Variants in COG3 observed in about 807,000 individuals in gnomAD.
COG3 encodes the protein conserved oligomeric Golgi complex subunit 3.
A neutral mutation model predicts 114.1 loss-of-function variants in COG3; 32 were observed. That is an observed-to-expected ratio of 0.28 (90% CI 0.21 to 0.38). The LOEUF (loss-of-function observed/expected upper bound fraction) is 0.38. Ranked by LOEUF, COG3 falls within the 10% of genes least tolerant of loss-of-function variation. The pLI is 1.00. For missense variants in COG3, 813 were observed against 973.2 expected (o/e 0.84, Z 2.19); for synonymous variants, 352 against 365.7 (o/e 0.96, Z 0.43).
chr13:45,528,470 C>T (rs1872885248), intron 20 of COG3, among the ~76,000 whole-genome samples: 1 of 152,108 alleles, frequency 6.6e-6, no homozygotes, highest in African/African-American at 2.4e-5. Flanking sequence ...TTACTACAAC[C>T]CTCCTCAATT....
At chr13:45,534,269 T>A (rs1286768085) in intron 22 of COG3, among the ~76,000 whole-genome samples, 1 of 152,216 alleles carries the variant, frequency 6.6e-6, no homozygotes, top group Non-Finnish European at 1.5e-5. Context: ...TCCTTGTCAG[T>A]GTTTGTATAT....
At chr13:45,511,194 C>T (rs558865326) in intron 15 of COG3, among the ~76,000 whole-genome samples, 4 of 151,486 alleles carry the variant, frequency 2.6e-5, no homozygotes, top group South Asian at 2.1e-4. Context: ...TGAATTTCAC[C>T]GCCTCCTTCA....
intron 7 of COG3, 32 bp from the exon 8 acceptor site, chr13:45,486,463 T>G: frequency 7.5e-7 from 1 of 1,335,190 alleles, no homozygotes; most frequent in Non-Finnish European, 1.1e-6. Flanking sequence ...GCTAATTATC[T>G]TCCTTCCTTA....
chr13:45,529,864 G>A lies in COG3; in HGVS notation c.2304G>A (p.Met768Ile). ...KTKLPVTLRS[M>I]SLYLSNKDTE... ...AGCTGCCTGTGACATTGAGAAGTAT[G>A]TCCTTGTACCTATCCAATAAAGATA... Residue 768 changes from methionine (M) to isoleucine (I), a missense_variant, in exon 21 of 23, where the codon ATG becomes ATA. By Grantham distance (10) the Met-to-Ile change is conservative. Coordinates refer to ENST00000349995, the MANE Select transcript of COG3 (RefSeq NM_031431.4). 1.2e-6 allele frequency: 2 copies of A among 1,613,744 alleles called. No individual in the cohort carries two copies. The highest frequency in any genetic ancestry group is 1.7e-6 in the Non-Finnish European group (2 of 1,179,742).
chr13:45,526,557 A>C (rs2137923148), intron 20 of COG3, among the ~76,000 whole-genome samples: 2 of 152,340 alleles, frequency 1.3e-5, no homozygotes, highest in Middle Eastern at 3.4e-3. Context: ...TGATGATGTC[A>C]ATATAGGTTT....
chr13:45,524,988 A>C lies in COG3; in HGVS notation c.2167A>C (p.Lys723Gln). ...EEFMTKVSALKTMASQGGPKY... is the reference protein window; with the variant it reads ...EEFMTKVSALQTMASQGGPKY... Reference sequence around the variant, plus strand: ...TCTCCTCTATTAGGTTTCAGCGTTAAAAACAATGGCCAGTCAGGGAGGCCC... The same window carrying C: ...TCTCCTCTATTAGGTTTCAGCGTTACAAACAATGGCCAGTCAGGGAGGCCC... The change falls in exon 20 of 23, where the codon AAA becomes CAA. Residue 723 changes from lysine to glutamine, a missense_variant. Around this residue, in one of 2 missense-constraint regions of COG3, gnomAD observed 389 missense variants for 542.6 expected, o/e 0.72. Coordinates refer to ENST00000349995, the MANE Select transcript of COG3 (RefSeq NM_031431.4). 1 of 1,613,814 alleles carries C rather than the reference A, an allele frequency of 6.2e-7. No homozygotes were observed. The highest frequency in any genetic ancestry group is 8.5e-7 in the Non-Finnish European group (1 of 1,179,796).
chr13:45,528,293 C>T (rs7332805), intron 20 of COG3, among the ~76,000 whole-genome samples: 5,177 of 152,154 alleles, frequency 0.034, 279 homozygotes, highest in African/African-American at 0.11. Context: ...CTACTGTCTA[C>T]GGAGTACCTA....
chr13:45,509,622 G>A (rs1870633705), intron 14 of COG3, 70 bp from the exon 15 acceptor site: 2 of 1,582,176 alleles, frequency 1.3e-6, no homozygotes, highest in Admixed American at 1.7e-5. Flanking sequence ...GTTTATAGTT[G>A]CCATGTAAAT....
intron 19 of COG3, among the ~76,000 whole-genome samples, chr13:45,521,535 A>G (rs962079171): frequency 1.3e-5 from 2 of 151,590 alleles, no homozygotes; most frequent in Non-Finnish European, 1.5e-5. Context: ...GTTCCCTTTC[A>G]TCCTGTGGCA....
In COG3 at chr13:45,530,668, T is replaced by G; in HGVS notation, c.2359-14T>G. 1 of 1,481,280 alleles carries G rather than the reference T, an allele frequency of 6.8e-7. No homozygotes were observed. Among genetic ancestry groups the G allele is most frequent in the Non-Finnish European group, 9.4e-7 (1 of 1,059,210 alleles). 91.8% of individuals were successfully genotyped at this position (1,481,280 alleles called of 1,614,324 possible). ...ACAACTCATTTGATAAGATCTCCTC[T>G]CCTCCTTTCTAAGAATAATATTCAG... On this transcript the variant is annotated splice_polypyrimidine_tract_variant and intron_variant, in intron 21 of 22. Coordinates refer to ENST00000349995, the MANE Select transcript of COG3 (RefSeq NM_031431.4).
In COG3 at chr13:45,509,923, G is replaced by T. The variant is rs571155326; in HGVS notation, c.1719+107G>T. On this transcript the variant is annotated intron_variant, in intron 15 of 22. Coordinates refer to ENST00000349995, the MANE Select transcript of COG3 (RefSeq NM_031431.4). ...TTTTGTTGGATATTCTTAAAATCAT[G>T]ATTTTTAGATATGGAAGTAACTTGA... The T allele has an allele frequency of 7.8e-4, 903 of 1,156,354 alleles. 2 individuals are homozygous for T. Among genetic ancestry groups the T allele is most frequent in the Non-Finnish European group, 1.1e-3 (878 of 830,362 alleles). The allele number at this position is 1,156,354 out of a possible 1,614,324, so 71.6% of individuals were successfully genotyped here. A position where few individuals can be genotyped will look rare whatever the true frequency, so the allele number is the denominator to read the frequency against.
chr13:45,521,959 T>A (rs771565571), intron 19 of COG3, among the ~76,000 whole-genome samples: 2 of 152,106 alleles, frequency 1.3e-5, no homozygotes, highest in African/African-American at 2.4e-5. Flanking sequence ...TGTGCCACCG[T>A]GCCTGGCTAA....
At chr13:45,504,817 G>A (rs1354272756) in intron 14 of COG3, among the ~76,000 whole-genome samples, 1 of 152,132 alleles carries the variant, frequency 6.6e-6, no homozygotes, top group Non-Finnish European at 1.5e-5. Context: ...TGAATGTGCT[G>A]TAATTGTGGC....
Position 45,492,380 on chromosome 13 carries a change from G to A in COG3, c.1187+130G>A. ...TTTAACTTGTTTGTGTCTGTGAACA[G>A]AATATTGTTGGGTGGGACAGATATT... On this transcript the variant is annotated intron_variant, in intron 11 of 22. Coordinates refer to ENST00000349995, the MANE Select transcript of COG3 (RefSeq NM_031431.4). 3 of 529,978 alleles carry A rather than the reference G, an allele frequency of 5.7e-6. 1 individual carries two copies. The highest frequency in any genetic ancestry group is 6.6e-6 in the Non-Finnish European group (2 of 300,762). The allele number at this position is 529,978 out of a possible 1,614,324, so 32.8% of individuals were successfully genotyped here.
chr13:45,529,616 T>G (rs984445289), intron 20 of COG3, among the ~76,000 whole-genome samples, 175 bp from the exon 21 acceptor site: 1 of 152,184 alleles, frequency 6.6e-6, no homozygotes, highest in South Asian at 2.1e-4. Flanking sequence ...AATGAATGTT[T>G]ATAGGGCTTA....
At chr13:45,474,414 A>G (rs2985991) in intron 1 of COG3, among the ~76,000 whole-genome samples, 136,104 of 151,986 alleles carry the variant, frequency 0.9, 61,064 homozygotes, top group African/African-American at 0.92. Context: ...CGCCCACCTC[A>G]GCCTCCCAAA....
At chr13:45,527,542 G>A (rs1872800626) in intron 20 of COG3, among the ~76,000 whole-genome samples, 1 of 152,150 alleles carries the variant, frequency 6.6e-6, no homozygotes, top group African/African-American at 2.4e-5. Context: ...ACTGTCTTGG[G>A]CCTCTCTGCT....
chr13:45,485,249 C>T (rs1213097532), intron 7 of COG3, among the ~76,000 whole-genome samples: 2 of 83,840 alleles, frequency 2.4e-5, no homozygotes, highest in African/African-American at 1.2e-4. Flanking sequence ...CCCCACCTCC[C>T]TCCCGGATGG....
chr13:45,527,995 AG>A (rs1317985089), intron 20 of COG3, among the ~76,000 whole-genome samples: 1 of 152,158 alleles, frequency 6.6e-6, no homozygotes, highest in Non-Finnish European at 1.5e-5. Flanking sequence ...AGGTATTCCT[AG>A]CCTCTAGATG....
Sources: allele counts gnomAD v4.1 joint callset (sites outside exome capture counted in the v4.1 genomes callset), GRCh38; gene constraint gnomAD v4.1.1; regional missense constraint gnomAD v4.1.1; transcripts MANE v1.5; gene names NCBI Gene and HGNC (gene_info 2026-07-23, HGNC 2026-07-21).